FBXL17: variants seen among roughly 807,000 people sequenced by gnomAD.
FBXL17 encodes F-box/LRR-repeat protein 17.
FBXL17 carries 22 observed loss-of-function variants against 66.2 expected under a neutral mutation model. The observed-to-expected ratio is 0.33, with a 90% CI of 0.24 to 0.47. The LOEUF (loss-of-function observed/expected upper bound fraction) is 0.47, where lower values mean the gene tolerates loss of function less well. Ranked by LOEUF, FBXL17 falls within the 20% of genes least tolerant of loss-of-function variation. The pLI, the probability that FBXL17 is intolerant of heterozygous loss-of-function variation, is 1.00. For missense variants in FBXL17, 878 were observed against 948.2 expected (o/e 0.93, Z 0.97); for synonymous variants, 474 against 400.5 (o/e 1.18, Z -2.19).
chr5:107,859,662 CTG>C lies in FBXL17; in HGVS notation c.*2056_*2057del, dbSNP rs1238770619. 1.4e-5 allele frequency: 2 copies of C among 147,730 alleles called. No homozygotes were observed. The highest frequency in any genetic ancestry group is 5.0e-5 in the African/African-American group (2 of 39,938). The allele number at this position is 147,730 out of a possible 1,614,324, so 9.2% of individuals were successfully genotyped here. A position where few individuals can be genotyped will look rare whatever the true frequency, so the allele number is the denominator to read the frequency against. Reference sequence around the variant, plus strand: ...ATTCTGAAACCATTTGACAACCAAACTGTAACACTCCAAAGGTTATTACAACT... The same window carrying C: ...ATTCTGAAACCATTTGACAACCAAACTAACACTCCAAAGGTTATTACAACT... On this transcript the variant is annotated 3_prime_UTR_variant, in exon 9 of 9. Transcript: ENST00000542267.
chr5:107,897,470 G>C (rs1341348179), intron 7 of FBXL17, among the ~76,000 whole-genome samples: 1 of 152,038 alleles, frequency 6.6e-6, no homozygotes, highest in African/African-American at 2.4e-5. Flanking sequence ...TTCTGGACTG[G>C]ATCCTTGGAT....
chr5:108,300,758 T>C (rs181787779), intron 4 of FBXL17, among the ~76,000 whole-genome samples: 166 of 151,834 alleles, frequency 1.1e-3, no homozygotes, highest in African/African-American at 3.5e-3. Context: ...AATAAAGATA[T>C]ATATTTTTAT....
chr5:108,346,914 A>C (rs991349843), intron 4 of FBXL17, among the ~76,000 whole-genome samples: 1 of 152,162 alleles, frequency 6.6e-6, no homozygotes, highest in Non-Finnish European at 1.5e-5. Context: ...CTCAAGAATG[A>C]CTATTACATA....
chr5:107,913,033 A>G (rs904338898), intron 7 of FBXL17, among the ~76,000 whole-genome samples: 3 of 152,150 alleles, frequency 2.0e-5, no homozygotes, highest in African/African-American at 7.2e-5. Context: ...ATAAGATTAT[A>G]AGTGCTTTAA....
intron 6 of FBXL17, among the ~76,000 whole-genome samples, chr5:108,146,812 G>A (rs1342970673): frequency 6.6e-6 from 1 of 152,144 alleles, no homozygotes; most frequent in South Asian, 2.1e-4. Context: ...TCAGCAAAAA[G>A]GGATCGTGAA....
At chr5:108,255,244 T>A (rs537782693) in intron 4 of FBXL17, among the ~76,000 whole-genome samples, 145 of 152,206 alleles carry the variant, frequency 9.5e-4, no homozygotes, top group Non-Finnish European at 1.8e-3. Flanking sequence ...AATAGAAGTA[T>A]GTTACTGTGT....
intron 7 of FBXL17, among the ~76,000 whole-genome samples, chr5:107,918,492 T>A (rs1170814840): frequency 6.6e-6 from 1 of 152,196 alleles, no homozygotes; most frequent in Non-Finnish European, 1.5e-5. Flanking sequence ...GTAGCTTGTA[T>A]AAACTCTTAG....
chr5:108,086,653 G>A (rs1748982837), intron 6 of FBXL17, among the ~76,000 whole-genome samples: 1 of 152,058 alleles, frequency 6.6e-6, no homozygotes, highest in African/African-American at 2.4e-5. Context: ...CCGCCTCCTG[G>A]GTTCAAGTGA....
intron 6 of FBXL17, among the ~76,000 whole-genome samples, chr5:108,103,069 T>A (rs1440422884): frequency 1.3e-5 from 2 of 152,242 alleles, no homozygotes; most frequent in Admixed American, 1.3e-4. Flanking sequence ...AAAATATGTA[T>A]AACATCTTGT....
intron 6 of FBXL17, among the ~76,000 whole-genome samples, chr5:108,081,737 T>A (rs1748777079): frequency 6.6e-6 from 1 of 151,714 alleles, no homozygotes; most frequent in Admixed American, 6.6e-5. Flanking sequence ...AATAAATAAA[T>A]AAAAAATAAG....
intron 6 of FBXL17, among the ~76,000 whole-genome samples, chr5:108,133,141 A>G (rs992810978): frequency 6.6e-6 from 1 of 152,212 alleles, no homozygotes; most frequent in African/African-American, 2.4e-5. Context: ...GACAATTTTA[A>G]AAGCATTATT....
At chr5:108,311,802 G>A (rs1379071352) in intron 4 of FBXL17, among the ~76,000 whole-genome samples, 1 of 152,156 alleles carries the variant, frequency 6.6e-6, no homozygotes, top group Non-Finnish European at 1.5e-5. Flanking sequence ...GAAAGAGAAT[G>A]CATAATAACA....
intron 7 of FBXL17, among the ~76,000 whole-genome samples, chr5:107,952,890 G>C (rs1036042271): frequency 6.6e-6 from 1 of 152,010 alleles, no homozygotes; most frequent in Admixed American, 6.6e-5. Flanking sequence ...ATAACTAGGG[G>C]GAAATCTATA....
intron 6 of FBXL17, among the ~76,000 whole-genome samples, chr5:108,156,303 T>C (rs1751995260): frequency 6.6e-6 from 1 of 151,992 alleles, no homozygotes; most frequent in Non-Finnish European, 1.5e-5. Context: ...TATATATATA[T>C]ACTTGAGTTC....
chr5:108,173,329 C>A (rs567095115), intron 6 of FBXL17, among the ~76,000 whole-genome samples: 4 of 152,160 alleles, frequency 2.6e-5, no homozygotes, highest in South Asian at 2.1e-4. Context: ...AGCACACCAG[C>A]ATGGCACATG....
chr5:108,131,535 T>G (rs557277028), intron 6 of FBXL17, among the ~76,000 whole-genome samples: 2 of 152,228 alleles, frequency 1.3e-5, no homozygotes, highest in South Asian at 4.2e-4. Flanking sequence ...AAACATTCCA[T>G]TGGGGCTTAA....
chr5:107,957,678 T>C (rs1001667217), intron 7 of FBXL17, among the ~76,000 whole-genome samples: 1 of 152,132 alleles, frequency 6.6e-6, no homozygotes, highest in Non-Finnish European at 1.5e-5. Flanking sequence ...TAAATTGGTT[T>C]GCACGCCCAA....
chr5:108,276,999 T>C (rs932134839), intron 4 of FBXL17, among the ~76,000 whole-genome samples: 3 of 152,100 alleles, frequency 2.0e-5, no homozygotes, highest in Non-Finnish European at 4.4e-5. Context: ...ATGTGAGAAG[T>C]AGATTATAAT....
At chr5:108,091,962 C>G (rs1749202694) in intron 6 of FBXL17, among the ~76,000 whole-genome samples, 1 of 152,126 alleles carries the variant, frequency 6.6e-6, no homozygotes, top group Admixed American at 6.5e-5. Flanking sequence ...AGCATGTTTT[C>G]TTTGTTAATT....
Sources: allele counts gnomAD v4.1 joint callset (sites outside exome capture counted in the v4.1 genomes callset), GRCh38; gene constraint gnomAD v4.1.1; transcripts MANE v1.5; gene names NCBI Gene and HGNC (gene_info 2026-07-23, HGNC 2026-07-21).